HEXB: variants seen among roughly 807,000 people sequenced by gnomAD.
The protein encoded by HEXB is hexosaminidase subunit beta.
A neutral mutation model predicts 71.2 loss-of-function variants in HEXB; 51 were observed. That is an observed-to-expected ratio of 0.72 (90% confidence interval 0.57 to 0.90). HEXB has a LOEUF of 0.90. Among genes scored for constraint, HEXB ranks in the 40% least tolerant of loss-of-function variants. HEXB has a pLI of 0.00. For synonymous variants in HEXB, 266 were observed against 249.3 expected (o/e 1.07, Z -0.63); for missense variants, 617 against 677.0 (o/e 0.91, Z 0.98).
chr5:74,717,495 T>C (rs963726452), intron 9 of HEXB, among the ~76,000 whole-genome samples: 50 of 151,004 alleles, frequency 3.3e-4, no homozygotes, highest in African/African-American at 1.1e-3. Flanking sequence ...TATATATATA[T>C]ACACATTTCC....
chr5:74,673,516 C>T (rs1748577907), intron 1 of HEXB, among the ~76,000 whole-genome samples: 1 of 152,180 alleles, frequency 6.6e-6, no homozygotes, highest in Non-Finnish European at 1.5e-5. Context: ...CATGGGGATG[C>T]TGAAGTGGCT....
intron 2 of HEXB, chr5:74,689,772 AT>A: frequency 2.7e-6 from 1 of 374,206 alleles, no homozygotes; most frequent in South Asian, 3.5e-5. Flanking sequence ...AACATTTTAC[AT>A]AGACATAAAT....
chr5:74,706,824 T>A (rs1474161750), intron 6 of HEXB, among the ~76,000 whole-genome samples: 2 of 152,028 alleles, frequency 1.3e-5, no homozygotes, highest in East Asian at 3.9e-4. Flanking sequence ...CCACCACAGC[T>A]CAAGGAGGCC....
In HEXB at chr5:74,696,722, C is replaced by A; in HGVS notation, c.541C>A (p.Gln181Lys). ...AGAGACCTTTAGCCAGTTAGTTTAT[C>A]AAGATTCTTATGGAACTGTAAGTAT... ...GLETFSQLVY[Q>K]DSYGTFTINE... Residue 181 changes from glutamine (Q) to lysine (K), a missense_variant, in exon 4 of 14, where the codon CAA (glutamine) becomes AAA (lysine). Coordinates refer to ENST00000261416, the MANE Select transcript of HEXB (RefSeq NM_000521.4). 6.9e-7 allele frequency: 1 copy of A among 1,444,926 alleles called. No individual in the cohort carries two copies. The highest frequency in any genetic ancestry group is 1.1e-5 in the South Asian group (1 of 87,156). 89.5% of individuals were successfully genotyped at this position (1,444,926 alleles called of 1,614,324 possible). A position where few individuals can be genotyped will look rare whatever the true frequency, so the allele number is the denominator to read the frequency against.
chr5:74,714,082 G>T (rs1419763740), intron 7 of HEXB, among the ~76,000 whole-genome samples: 1 of 152,176 alleles, frequency 6.6e-6, no homozygotes, highest in Non-Finnish European at 1.5e-5. Flanking sequence ...TGATCGGCCC[G>T]CCTCGGCCTC....
At chr5:74,682,860 C>G (rs528137676), upstream of HEXB, among the ~76,000 whole-genome samples, 3 of 152,248 alleles carry the variant, frequency 2.0e-5, no homozygotes, top group East Asian at 5.8e-4. Flanking sequence ...ATGGCTGACA[C>G]TCTTATAACA....
At chr5:74,672,961 A>T (rs961368511) in intron 1 of HEXB, among the ~76,000 whole-genome samples, 4 of 152,158 alleles carry the variant, frequency 2.6e-5, no homozygotes, top group Admixed American at 1.3e-4. Context: ...GTGGCATCAG[A>T]GCAGCCTTTG....
intron 1 of HEXB, among the ~76,000 whole-genome samples, chr5:74,662,502 A>T (rs1005466595): frequency 1.0e-4 from 7 of 68,122 alleles, no homozygotes; most frequent in African/African-American, 2.0e-4. Flanking sequence ...ATCTTTATGT[A>T]TAACTCTTTT....
chr5:74,710,524 T>G (rs938703244), intron 6 of HEXB, among the ~76,000 whole-genome samples: 3,622 of 152,162 alleles, frequency 0.024, 142 homozygotes, highest in African/African-American at 0.083. Context: ...GACATGATTG[T>G]ATATCTAGAA....
intron 1 of HEXB, among the ~76,000 whole-genome samples, chr5:74,687,854 C>T (rs1054114978): frequency 5.9e-5 from 9 of 152,148 alleles, no homozygotes; most frequent in Non-Finnish European, 1.2e-4. Flanking sequence ...AACTTCCATA[C>T]ACTTCCAAAC....
upstream of HEXB, among the ~76,000 whole-genome samples, chr5:74,680,697 ACAG>A (rs1307229055): frequency 2.6e-5 from 4 of 152,244 alleles, no homozygotes; most frequent in Non-Finnish European, 4.4e-5. Context: ...GGGAAAAATA[ACAG>A]CAGGTACACA....
At chr5:74,705,475 C>A in intron 6 of HEXB, 155 bp downstream of exon 6, 1 of 635,010 alleles carries the variant, frequency 1.6e-6, no homozygotes. Flanking sequence ...TAGCATTTTA[C>A]ATCCATAAAA....
At chr5:74,711,660 G>C (rs1580393865) in intron 6 of HEXB, among the ~76,000 whole-genome samples, 2 of 152,142 alleles carry the variant, frequency 1.3e-5, no homozygotes, top group Admixed American at 1.3e-4. Context: ...AGACATTTAT[G>C]CAGACAAAAA....
At chr5:74,689,722 T>C (rs1395947743) in intron 2 of HEXB, 2 of 517,936 alleles carry the variant, frequency 3.9e-6, no homozygotes, top group African/African-American at 1.9e-5. Context: ...AATTAATCAC[T>C]GTCATTTTAG....
chr5:74,694,504 G>T (rs1226245312), intron 3 of HEXB, among the ~76,000 whole-genome samples: 1 of 152,152 alleles, frequency 6.6e-6, no homozygotes, highest in Non-Finnish European at 1.5e-5. Flanking sequence ...CTTCTCATGA[G>T]AATTTCAGAG....
At chr5:74,678,298 C>CATTCATAA (rs1748673028) in intron 1 of HEXB, among the ~76,000 whole-genome samples, 1 of 145,100 alleles carries the variant, frequency 6.9e-6, no homozygotes, top group African/African-American at 2.5e-5. Flanking sequence ...AACTCCATCT[C>CATTCATAA]ATAAATAAAT....
At chr5:74,646,457 AG>A (rs1403198452) in intron 1 of HEXB, among the ~76,000 whole-genome samples, 2 of 152,096 alleles carry the variant, frequency 1.3e-5, no homozygotes, top group African/African-American at 2.4e-5. Flanking sequence ...TTGCAACAAA[AG>A]CTCAGATTCA....
chr5:74,684,850 G>A (rs911026874), upstream of HEXB, among the ~76,000 whole-genome samples: 3 of 151,922 alleles, frequency 2.0e-5, no homozygotes, highest in South Asian at 4.1e-4. Flanking sequence ...GCTAATTTTT[G>A]TATTTTTGTA....
intron 1 of HEXB, among the ~76,000 whole-genome samples, chr5:74,643,848 C>A (rs536138348): frequency 1.3e-4 from 20 of 152,186 alleles, no homozygotes; most frequent in African/African-American, 4.6e-4. Flanking sequence ...CTCCTGAAGC[C>A]CCACCCAAAT....
Sources: gnomAD v4.1 joint callset for allele counts (sites outside exome capture counted in the v4.1 genomes callset) on GRCh38, gnomAD v4.1.1 for gene constraint, MANE v1.5 for transcripts, NCBI Gene and HGNC (gene_info 2026-07-23, HGNC 2026-07-21) for gene names.